The following SUMF1 variants were observed in gnomAD, a reference collection of about 807,000 sequenced individuals.
SUMF1 encodes the protein formylglycine-generating enzyme.
In SUMF1, 48 loss-of-function variants were observed where a neutral mutation model predicts 47.6. The ratio of observed to expected loss-of-function variants is 1.01; its 90% confidence interval spans 0.80 to 1.28. The LOEUF (loss-of-function observed/expected upper bound fraction) is 1.28. Ranked by LOEUF, SUMF1 falls within the 50% of genes most tolerant of loss-of-function variation. The probability of loss-of-function intolerance (pLI) is 0.00; values close to 1 mark genes in which losing one functional copy is unlikely to be tolerated. For missense variants in SUMF1, 571 were observed against 485.4 expected (o/e 1.18, Z -1.66); for synonymous variants, 230 against 192.1 (o/e 1.20, Z -1.63).
intron 8 of SUMF1, among the ~76,000 whole-genome samples, chr3:4,281,984 T>G (rs908792902): frequency 6.6e-6 from 1 of 152,206 alleles, no homozygotes; most frequent in Non-Finnish European, 1.5e-5. Flanking sequence ...GAAGATTGTA[T>G]AGGTATTTAG....
At chr3:4,228,935 G>T (rs1483069390) in intron 8 of SUMF1, among the ~76,000 whole-genome samples, 1 of 152,050 alleles carries the variant, frequency 6.6e-6, no homozygotes, top group Non-Finnish European at 1.5e-5. Context: ...GTGAATTATT[G>T]TAACTAAGGG....
intron 8 of SUMF1, 127 bp downstream of exon 8, chr3:4,376,203 C>T (rs1306144413): frequency 5.3e-5 from 59 of 1,120,028 alleles, no homozygotes; most frequent in Admixed American, 3.5e-4. Context: ...TCCTTTTTTT[C>T]TGGTTTCAGT....
chr3:4,340,592 T>C (rs1699251566), intron 8 of SUMF1, among the ~76,000 whole-genome samples: 1 of 151,760 alleles, frequency 6.6e-6, no homozygotes, highest in East Asian at 1.9e-4. Flanking sequence ...GAGTTAGGAG[T>C]TTGATTCTAG....
At chr3:4,279,158 T>A (rs1182224087) in intron 8 of SUMF1, among the ~76,000 whole-genome samples, 1 of 152,184 alleles carries the variant, frequency 6.6e-6, no homozygotes, top group East Asian at 1.9e-4. Flanking sequence ...TAGACATTTC[T>A]AGTCTAACAC....
chr3:4,236,222 A>C (rs960227057), intron 8 of SUMF1, among the ~76,000 whole-genome samples: 7 of 152,114 alleles, frequency 4.6e-5, no homozygotes, highest in Non-Finnish European at 4.4e-5. Context: ...CTACAAAGGA[A>C]ACTAATAGAA....
At chr3:4,310,713 T>C (rs555204955) in intron 8 of SUMF1, among the ~76,000 whole-genome samples, 2 of 152,302 alleles carry the variant, frequency 1.3e-5, no homozygotes, top group African/African-American at 4.8e-5. Flanking sequence ...GAAATAAAAC[T>C]GTTTTTCACC....
chr3:4,172,667 T>A (rs1434118849), intron 8 of SUMF1, among the ~76,000 whole-genome samples: 1 of 149,632 alleles, frequency 6.7e-6, no homozygotes, highest in Non-Finnish European at 1.5e-5. Flanking sequence ...TCTGCTTATA[T>A]CCTTTGCCCA....
At chr3:4,250,003 G>C (rs1334271268) in intron 8 of SUMF1, among the ~76,000 whole-genome samples, 4 of 152,082 alleles carry the variant, frequency 2.6e-5, no homozygotes, top group Non-Finnish European at 5.9e-5. Context: ...GGCCAACATA[G>C]TAAAATGCTG....
intron 8 of SUMF1, among the ~76,000 whole-genome samples, chr3:4,256,535 C>G (rs376171796): frequency 5.1e-4 from 74 of 144,748 alleles, no homozygotes; most frequent in African/African-American, 1.7e-3. Context: ...ATAAATTCCT[C>G]GACACATACA....
At chr3:4,276,467 T>C (rs968084264) in intron 8 of SUMF1, among the ~76,000 whole-genome samples, 1 of 152,154 alleles carries the variant, frequency 6.6e-6, no homozygotes, top group Non-Finnish European at 1.5e-5. Flanking sequence ...TAGCCTTGTT[T>C]CCATTAAAAG....
At chr3:4,192,434 A>G (rs568335947) in intron 8 of SUMF1, among the ~76,000 whole-genome samples, 7 of 151,766 alleles carry the variant, frequency 4.6e-5, no homozygotes, top group African/African-American at 1.5e-4. Flanking sequence ...GTCCTTTAGT[A>G]TAAACATATA....
chr3:4,164,200 ATACCTGGT>A (rs1400036293), intron 8 of SUMF1, among the ~76,000 whole-genome samples: 1 of 152,190 alleles, frequency 6.6e-6, no homozygotes, highest in Admixed American at 6.5e-5. Flanking sequence ...GGTGGGAGAA[ATACCTGGT>A]TACAAGCTGT....
intron 7 of SUMF1, among the ~76,000 whole-genome samples, chr3:4,381,357 C>G (rs116454292): frequency 0.031 from 4,770 of 152,092 alleles, 110 homozygotes; most frequent in Non-Finnish European, 0.047. Context: ...AAGGGGGTGA[C>G]GGATAAAAGG....
chr3:4,125,373 A>G (rs148030281), intron 8 of SUMF1, among the ~76,000 whole-genome samples: 1 of 143,586 alleles, frequency 7.0e-6, no homozygotes, highest in Non-Finnish European at 1.6e-5. Flanking sequence ...AGTGACAGAA[A>G]AAGCACTATG....
chr3:4,339,649 G>T (rs1284126958), intron 8 of SUMF1, among the ~76,000 whole-genome samples: 1 of 152,184 alleles, frequency 6.6e-6, no homozygotes, highest in African/African-American at 2.4e-5. Context: ...TGGGTAGGAA[G>T]GCTGATAGCA....
At chr3:4,076,558 A>G (rs1225962004) in intron 8 of SUMF1, among the ~76,000 whole-genome samples, 2 of 152,166 alleles carry the variant, frequency 1.3e-5, no homozygotes, top group East Asian at 1.9e-4. Flanking sequence ...TGAACAGGCA[A>G]CCTACACAAT....
intron 8 of SUMF1, among the ~76,000 whole-genome samples, chr3:4,121,316 T>C (rs1016324005): frequency 2.0e-5 from 3 of 152,264 alleles, no homozygotes; most frequent in Non-Finnish European, 4.4e-5. Context: ...ACTAATAAAT[T>C]ATAGAAGATG....
intron 9 of SUMF1, among the ~76,000 whole-genome samples, chr3:4,058,090 T>C (rs1187468869): frequency 6.6e-6 from 1 of 152,084 alleles, no homozygotes; most frequent in African/African-American, 2.4e-5. Context: ...GGAAGGAAAT[T>C]GTCCCCATTT....
intron 8 of SUMF1, among the ~76,000 whole-genome samples, chr3:4,141,747 C>T (rs1279084488): frequency 6.6e-6 from 1 of 152,130 alleles, no homozygotes; most frequent in Non-Finnish European, 1.5e-5. Flanking sequence ...ACAGTGAAGT[C>T]CTAAAATGTT....
Sources: gnomAD v4.1 joint callset for allele counts (sites outside exome capture counted in the v4.1 genomes callset) on GRCh38, gnomAD v4.1.1 for gene constraint, MANE v1.5 for transcripts, NCBI Gene and HGNC (gene_info 2026-07-23, HGNC 2026-07-21) for gene names.